Variants in TOP1 observed in about 807,000 individuals in gnomAD.
The protein encoded by TOP1 is DNA topoisomerase 1.
A neutral mutation model predicts 111.1 loss-of-function variants in TOP1; 10 were observed. The ratio of observed to expected loss-of-function variants is 0.09; its 90% CI spans 0.06 to 0.15. TOP1 has a LOEUF of 0.15. Ranked by LOEUF, TOP1 falls within the 10% of genes least tolerant of loss-of-function variation. The pLI, the probability that TOP1 is intolerant of heterozygous loss-of-function variation, is 1.00. For missense variants in TOP1, 474 were observed against 926.7 expected (o/e 0.51, Z 6.34); for synonymous variants, 271 against 302.9 (o/e 0.89, Z 1.10).
At chr20:41,044,576 T>G (rs1296503762) in intron 2 of TOP1, among the ~76,000 whole-genome samples, 1 of 152,212 alleles carries the variant, frequency 6.6e-6, no homozygotes, top group African/African-American at 2.4e-5. Context: ...ATAGCCAGCT[T>G]AGCCAGGCCT....
intron 7 of TOP1, among the ~76,000 whole-genome samples, chr20:41,081,756 C>T (rs1343996255): frequency 6.6e-6 from 1 of 152,214 alleles, no homozygotes; most frequent in Non-Finnish European, 1.5e-5. Flanking sequence ...TGTGCCTCTT[C>T]TCTAGCTTAC....
chr20:41,050,986 A>C (rs1207137569), intron 2 of TOP1, among the ~76,000 whole-genome samples: 1 of 152,218 alleles, frequency 6.6e-6, no homozygotes, highest in Non-Finnish European at 1.5e-5. Context: ...GCCCCAGTAC[A>C]AGAGTTTTAA....
intron 8 of TOP1, among the ~76,000 whole-genome samples, chr20:41,088,177 C>T (rs960072959): frequency 2.0e-5 from 3 of 151,936 alleles, no homozygotes; most frequent in Non-Finnish European, 4.4e-5. Context: ...AAATAGGAGT[C>T]GTAAAAACAG....
chr20:41,045,021 C>T (rs2122601389), intron 2 of TOP1, among the ~76,000 whole-genome samples: 1 of 152,294 alleles, frequency 6.6e-6, no homozygotes, highest in African/African-American at 2.4e-5. Context: ...CTCCTGGCCT[C>T]TAGTGATTCA....
chr20:41,056,801 A>G (rs1417347851), intron 2 of TOP1, among the ~76,000 whole-genome samples: 2 of 152,290 alleles, frequency 1.3e-5, no homozygotes, highest in Admixed American at 1.3e-4. Flanking sequence ...AAATAGGAAT[A>G]CTTGGGGTTC....
At chr20:41,119,985 C>G (rs1025493669) in intron 18 of TOP1, among the ~76,000 whole-genome samples, 1 of 152,220 alleles carries the variant, frequency 6.6e-6, no homozygotes, top group Non-Finnish European at 1.5e-5. Flanking sequence ...GTTGCTCTCG[C>G]TCTGGAACCG....
At position 41,029,602 on chromosome 20, in the gene TOP1, G is replaced by A; in HGVS notation, c.58+147G>A. ...TCACCGGCCCCATTGTTCCCATCGG[G>A]CCGCCTCTTGACCCCCTTTCCGGGG... On this transcript the variant is annotated intron_variant, in intron 2 of 20. Transcript: ENST00000361337. This position sits in a 1 kb window ranked among gnomAD's most constrained non-coding sequence, Gnocchi z 6.1. 1 of 709,692 alleles carries A rather than the reference G, an allele frequency of 1.4e-6. No homozygotes were observed. Among genetic ancestry groups the A allele is most frequent in the Non-Finnish European group, 2.5e-6 (1 of 402,324 alleles). 44.0% of individuals were successfully genotyped at this position (709,692 alleles called of 1,614,324 possible).
At chr20:41,072,093 G>A (rs2033675634) in intron 3 of TOP1, among the ~76,000 whole-genome samples, 1 of 152,144 alleles carries the variant, frequency 6.6e-6, no homozygotes, top group Admixed American at 6.5e-5. Flanking sequence ...AACCCTGAAG[G>A]TTTTTATCCT....
At position 41,046,781 on chromosome 20, in the gene TOP1, CAT is replaced by C. The variant is rs2033339864; in HGVS notation, c.59-14612_59-14611del. ...AAGGAATTTCATCAGAGGTGGTTAG[CAT>C]TTTGTGAACAAGTATGATGTTGTTC... On this transcript the variant is annotated intron_variant, in intron 2 of 20. Coordinates refer to ENST00000361337, the MANE Select transcript of TOP1 (RefSeq NM_003286.4). This position sits in a 1 kb window ranked among gnomAD's most constrained non-coding sequence, Gnocchi z 4.3. 6.6e-6 allele frequency among the ~76,000 whole-genome samples: 1 copy of C among 152,166 alleles called. No homozygotes were observed. The highest frequency in any genetic ancestry group is 1.5e-5 in the Non-Finnish European group (1 of 68,018).
intron 14 of TOP1, among the ~76,000 whole-genome samples, 174 bp downstream of exon 14, chr20:41,113,099 AG>A (rs2034268548): frequency 6.6e-6 from 1 of 152,236 alleles, no homozygotes; most frequent in Non-Finnish European, 1.5e-5. Flanking sequence ...TGTGAGCAGT[AG>A]ATTCTGATCT....
At chr20:41,044,913 C>T (rs936233956) in intron 2 of TOP1, among the ~76,000 whole-genome samples, 4 of 152,168 alleles carry the variant, frequency 2.6e-5, no homozygotes, top group Non-Finnish European at 4.4e-5. Flanking sequence ...CTCAGCCTCC[C>T]GATAGCTAGG....
rs565722825 is a variant in TOP1, at chr20:41,047,045, G to C, written c.59-14349G>C. Among the ~76,000 whole-genome samples, 8 of 152,328 alleles carry C rather than the reference G, an allele frequency of 5.3e-5. No individual in the cohort carries two copies. In the East Asian group the frequency reaches 1.3e-3, roughly 26 times the overall value. On this transcript the variant is annotated intron_variant, in intron 2 of 20. Coordinates refer to ENST00000361337, the MANE Select transcript of TOP1 (RefSeq NM_003286.4). ...GAAAGCTGAGGTGTGTTAGACGGGAGTTGTAGGTAAGTCAGGGAGGATATT... is the reference window on the plus strand; with the variant it reads ...GAAAGCTGAGGTGTGTTAGACGGGACTTGTAGGTAAGTCAGGGAGGATATT...
chr20:41,102,925 G>A lies in TOP1; in HGVS notation c.1308+1572G>A, dbSNP rs918690245. ...CCTTAGAGATCAACAATAACTTTAT[G>A]AAGAAAAGTAGGTTATGGTTGGGTC... On this transcript the variant is annotated intron_variant, in intron 13 of 20. Coordinates refer to ENST00000361337, the MANE Select transcript of TOP1 (RefSeq NM_003286.4). The surrounding 1 kb of genome is among the most constrained non-coding windows in gnomAD (Gnocchi z 4.0). 6.6e-6 allele frequency among the ~76,000 whole-genome samples: 1 copy of A among 152,156 alleles called. No individual in the cohort carries two copies. Among genetic ancestry groups the A allele is most frequent in the African/African-American group, 2.4e-5 (1 of 41,424 alleles).
At chr20:41,054,923 CT>C (rs2033451818) in intron 2 of TOP1, among the ~76,000 whole-genome samples, 1 of 152,142 alleles carries the variant, frequency 6.6e-6, no homozygotes, top group Non-Finnish European at 1.5e-5. Context: ...AGACACTTTC[CT>C]TTTGTCTGTC....
rs989687728 is a variant in TOP1 at position 41,034,994 on chromosome 20, A to G, written c.58+5539A>G. Reference sequence around the variant, plus strand: ...AACCTCTGCCTCCTGGGCTCAAGCGATCCTCCTACCTCACCCTCCCAAGTA... The same window carrying G: ...AACCTCTGCCTCCTGGGCTCAAGCGGTCCTCCTACCTCACCCTCCCAAGTA... On this transcript the variant is annotated intron_variant, in intron 2 of 20. Coordinates refer to ENST00000361337, the MANE Select transcript of TOP1 (RefSeq NM_003286.4). The surrounding 1 kb of genome is among the most constrained non-coding windows in gnomAD (Gnocchi z 4.0). 3.9e-5 allele frequency among the ~76,000 whole-genome samples: 6 copies of G among 151,918 alleles called. No individual in the cohort carries two copies. The highest frequency in any genetic ancestry group is 7.4e-5 in the Non-Finnish European group (5 of 67,984).
At position 41,028,901 on chromosome 20, in the gene TOP1, G is replaced by T; in HGVS notation, c.-167G>T. 1 of 577,644 alleles carries T rather than the reference G, an allele frequency of 1.7e-6. No individual in the cohort carries two copies. The highest frequency in any genetic ancestry group is 3.9e-4 in the Middle Eastern group (1 of 2,570). 35.8% of individuals were successfully genotyped at this position (577,644 alleles called of 1,614,324 possible). A position where few individuals can be genotyped will look rare whatever the true frequency, so the allele number is the denominator to read the frequency against. On this transcript the variant is annotated 5_prime_UTR_variant, in exon 1 of 21. Coordinates refer to ENST00000361337, the MANE Select transcript of TOP1 (RefSeq NM_003286.4). ...CCGGCAGTCAGGCAGCGTCGCCGCC[G>T]TGGTAGCAGCCTCAGCCGTTTCTGG...
intron 2 of TOP1, among the ~76,000 whole-genome samples, chr20:41,047,328 C>T (rs181795894): frequency 3.9e-5 from 6 of 152,202 alleles, no homozygotes; most frequent in African/African-American, 1.2e-4. Flanking sequence ...GTTGCAGATA[C>T]GTTCAGATAC....
At chr20:41,064,879 GGGGC>G (rs1175263188) in intron 3 of TOP1, among the ~76,000 whole-genome samples, 2 of 151,840 alleles carry the variant, frequency 1.3e-5, no homozygotes, top group Non-Finnish European at 2.9e-5. Flanking sequence ...TTTCTGGGGT[GGGGC>G]GGGGGGCTGG....
At chr20:41,066,776 A>C (rs2033613720) in intron 3 of TOP1, among the ~76,000 whole-genome samples, 1 of 151,990 alleles carries the variant, frequency 6.6e-6, no homozygotes, top group Admixed American at 6.6e-5. Context: ...GGATGGTCTC[A>C]ATCTCCTGAC....
Sources: allele counts gnomAD v4.1 joint callset (sites outside exome capture counted in the v4.1 genomes callset), GRCh38; gene constraint gnomAD v4.1.1; non-coding constraint Gnocchi (gnomAD v3.1); transcripts MANE v1.5; gene names NCBI Gene and HGNC (gene_info 2026-07-23, HGNC 2026-07-21).